SAPCD2: variants seen among roughly 807,000 people sequenced by gnomAD.
SAPCD2 encodes the protein suppressor APC domain containing 2, also known as suppressor APC domain-containing protein 2.
Under a neutral mutation model 37.8 loss-of-function variants are expected in SAPCD2, and 34 were observed. That is an observed-to-expected ratio of 0.90 (90% confidence interval 0.68 to 1.20). The LOEUF (loss-of-function observed/expected upper bound fraction) is 1.20, where lower values mean the gene tolerates loss of function less well. Among genes scored for constraint, SAPCD2 ranks in the 50% most tolerant of loss-of-function variants. The pLI is 0.00. For synonymous variants in SAPCD2, 275 were observed against 270.3 expected (o/e 1.02, Z -0.17); for missense variants, 572 against 584.7 (o/e 0.98, Z 0.22).
At chr9:137,068,487 G>C (rs1311803773) in intron 1 of SAPCD2, among the ~76,000 whole-genome samples, 1 of 152,258 alleles carries the variant, frequency 6.6e-6, no homozygotes, top group Admixed American at 6.5e-5. Flanking sequence ...TGGGAACAAG[G>C]AAAGAGGCCC....
chr9:137,070,043 G>A lies in SAPCD2; in HGVS notation c.418C>T (p.Leu140=). ...EPRTVLERKP[L]PLGVRAPLAG... ...AGAGGGGCGCGCACGCCCAGGGGCA[G>A]GGGCTTCCTCTCCAGGACCGTCCGC... The change falls in exon 1 of 6, where the codon CTG becomes TTG. Residue 140 remains leucine (L), a synonymous_variant. Transcript: ENST00000409687. The A allele has an allele frequency of 5.0e-6, 6 of 1,200,456 alleles. No homozygotes were observed. Among genetic ancestry groups the A allele is most frequent in the Non-Finnish European group, 6.2e-6 (6 of 967,688 alleles). 74.4% of individuals were successfully genotyped at this position (1,200,456 alleles called of 1,614,324 possible).
chr9:137,063,122 G>A lies in SAPCD2; in HGVS notation c.*1537C>T, dbSNP rs1260343941. ...ACTGCGCTGCAGTCCACCTGGTGCT[G>A]GGGCTGTGGGGCACAGGCCCTCAGG... On this transcript the variant is annotated 3_prime_UTR_variant, in exon 6 of 6. Transcript: ENST00000409687. 1.3e-5 allele frequency: 2 copies of A among 152,284 alleles called. No individual in the cohort carries two copies. The highest frequency in any genetic ancestry group is 2.4e-5 in the African/African-American group (1 of 41,464). 9.4% of individuals were successfully genotyped at this position (152,284 alleles called of 1,614,324 possible). A position where few individuals can be genotyped will look rare whatever the true frequency, so the allele number is the denominator to read the frequency against.
chr9:137,069,811 G>T, intron 1 of SAPCD2, 79 bp downstream of exon 1: 1 of 988,312 alleles, frequency 1.0e-6, no homozygotes, highest in Non-Finnish European at 1.3e-6. Flanking sequence ...GAAATGCACG[G>T]GCAGCAGCTG....
At chr9:137,065,437 A>T in intron 3 of SAPCD2, 85 bp downstream of exon 3, 1 of 1,440,040 alleles carries the variant, frequency 6.9e-7, no homozygotes, top group Non-Finnish European at 9.2e-7. Context: ...GTCCGGGAAT[A>T]GGGGCAGCCA....
chr9:137,065,727 C>G (rs951579458), intron 2 of SAPCD2, 59 bp from the exon 3 acceptor site: 1 of 1,536,080 alleles, frequency 6.5e-7, no homozygotes, highest in African/African-American at 1.4e-5. Flanking sequence ...CACGTCCACA[C>G]ATGCATGAGC....
chr9:137,067,855 G>T (rs894489541), intron 1 of SAPCD2, among the ~76,000 whole-genome samples: 3 of 149,260 alleles, frequency 2.0e-5, no homozygotes, highest in African/African-American at 7.4e-5. Context: ...AGTCAGGCAC[G>T]TCCTGGTGCT....
At chr9:137,069,862 G>A (rs1469626982) in intron 1 of SAPCD2, 28 bp downstream of exon 1, 21 of 1,243,400 alleles carry the variant, frequency 1.7e-5, no homozygotes, top group Non-Finnish European at 5.1e-6. Flanking sequence ...AGAGCTACGA[G>A]GGTGCCCGGG....
In SAPCD2 at chr9:137,064,457, G is replaced by T; in HGVS notation, c.*202C>A. On this transcript the variant is annotated 3_prime_UTR_variant, in exon 6 of 6. Coordinates refer to ENST00000409687, the MANE Select transcript of SAPCD2 (RefSeq NM_178448.4). ...CCATGTCAGCACCAGGAGCCAAAAC[G>T]GAGTCAAGCGCTCGGTGCGGGGACC... 1.6e-6 allele frequency: 1 copy of T among 619,684 alleles called. No homozygotes were observed. The highest frequency in any genetic ancestry group is 2.8e-6 in the Non-Finnish European group (1 of 355,956). 38.4% of individuals were successfully genotyped at this position (619,684 alleles called of 1,614,324 possible).
In SAPCD2 at chr9:137,070,220, A is replaced by G; in HGVS notation, c.241T>C (p.Tyr81His). ...GCCACGAAGCGCTCGAAGGTCAGGT[A>G]GCCGCTGGCCGGGGCCACCTGGCGC... ...GLRQVAPASGYLTFERFVAGL... is the reference protein window; with the variant it reads ...GLRQVAPASGHLTFERFVAGL... The change falls in exon 1 of 6, where the codon TAC becomes CAC. Residue 81 changes from tyrosine to histidine, a missense_variant. Coordinates refer to ENST00000409687, the MANE Select transcript of SAPCD2 (RefSeq NM_178448.4). The G allele has an allele frequency of 7.1e-7, 1 of 1,400,532 alleles. No individual in the cohort carries two copies. The highest frequency in any genetic ancestry group is 1.4e-5 in the South Asian group (1 of 69,632). 86.8% of individuals were successfully genotyped at this position (1,400,532 alleles called of 1,614,324 possible).
Position 137,064,414 on chromosome 9 carries a change from A to C in SAPCD2, c.*245T>G. 1 of 576,778 alleles carries C rather than the reference A, an allele frequency of 1.7e-6. No individual in the cohort carries two copies. Among genetic ancestry groups the C allele is most frequent in the Non-Finnish European group, 3.1e-6 (1 of 322,196 alleles). The allele number at this position is 576,778 out of a possible 1,614,324, so 35.7% of individuals were successfully genotyped here. On this transcript the variant is annotated 3_prime_UTR_variant, in exon 6 of 6. Transcript: ENST00000409687. ...GCAGTAGTAGCTGCGGACTATGCGG[A>C]CTCAAGAGAGCCCCAGCCCATGTCA...
At chr9:137,067,969 G>A (rs769253910) in intron 1 of SAPCD2, among the ~76,000 whole-genome samples, 2 of 152,022 alleles carry the variant, frequency 1.3e-5, no homozygotes, top group Non-Finnish European at 2.9e-5. Context: ...GGGAGTAGGT[G>A]CACCTCCCCA....
At position 137,070,499 on chromosome 9, in the gene SAPCD2, T is replaced by C. The variant is rs2131533102; in HGVS notation, c.-39A>G. On this transcript the variant is annotated 5_prime_UTR_variant, in exon 1 of 6. Coordinates refer to ENST00000409687, the MANE Select transcript of SAPCD2 (RefSeq NM_178448.4). ...CGGTCCCCTCGTCCACCCGCGTGCG[T>C]CCCAGCGCGGCCCCACGGAGGGGCC... 2.5e-6 allele frequency: 3 copies of C among 1,180,604 alleles called. No homozygotes were observed. The highest frequency in any genetic ancestry group is 2.1e-6 in the Non-Finnish European group (2 of 949,536). The allele number at this position is 1,180,604 out of a possible 1,614,324, so 73.1% of individuals were successfully genotyped here.
At chr9:137,069,516 G>A (rs1223830185) in intron 1 of SAPCD2, among the ~76,000 whole-genome samples, 1 of 152,242 alleles carries the variant, frequency 6.6e-6, no homozygotes, top group East Asian at 1.9e-4. Flanking sequence ...CCACAGACAG[G>A]AGGCTGAGGG....
chr9:137,065,439 G>A, intron 3 of SAPCD2, 83 bp downstream of exon 3: 2 of 1,448,562 alleles, frequency 1.4e-6, no homozygotes, highest in Non-Finnish European at 1.8e-6. Flanking sequence ...CCGGGAATAG[G>A]GGCAGCCACA....
chr9:137,070,109 G>A lies in SAPCD2; in HGVS notation c.352C>T (p.Pro118Ser). ...GCGAACACCAGGCGCTGCGGCGGCG[G>A]CGGCGGCTGATCCCCGGGCCGGGCC... is the stretch of plus-strand genomic sequence containing the variant. ...APARPGDQPP[P>S]PPQRLVFAPA... The change falls in exon 1 of 6, where the codon CCG becomes TCG. Residue 118 changes from proline (P) to serine (S), a missense_variant. Transcript: ENST00000409687. 1 of 1,190,340 alleles carries A rather than the reference G, an allele frequency of 8.4e-7. No individual in the cohort carries two copies. Among genetic ancestry groups the A allele is most frequent in the South Asian group, 4.1e-5 (1 of 24,098 alleles). The allele number at this position is 1,190,340 out of a possible 1,614,324, so 73.7% of individuals were successfully genotyped here. A position where few individuals can be genotyped will look rare whatever the true frequency, so the allele number is the denominator to read the frequency against.
intron 3 of SAPCD2, 48 bp downstream of exon 3, chr9:137,065,474 C>G: frequency 1.3e-6 from 2 of 1,541,642 alleles, no homozygotes; most frequent in Non-Finnish European, 8.8e-7. Flanking sequence ...CTGGGGTGAG[C>G]TGGGGTCCCC....
rs1291783233 is a variant in SAPCD2, at chr9:137,064,952, G to C, written c.967C>G (p.Pro323Ala). The C allele has an allele frequency of 6.5e-7, 1 of 1,548,626 alleles. No individual in the cohort carries two copies. The highest frequency in any genetic ancestry group is 8.7e-7 in the Non-Finnish European group (1 of 1,146,164). Residue 323 changes from proline (P) to alanine (A), a missense_variant, in exon 5 of 6, where the codon CCC becomes GCC. Transcript: ENST00000409687. ...RALPPSSSGP[P>A]CPALTSTSPP... Reference sequence around the variant, plus strand: ...GAGGTGGACGTCAGGGCAGGGCAGGGGGGCCCGGAGGAGGACGGGGGCAGG... The same window carrying C: ...GAGGTGGACGTCAGGGCAGGGCAGGCGGGCCCGGAGGAGGACGGGGGCAGG...
At position 137,064,164 on chromosome 9, in the gene SAPCD2, A is replaced by C. The variant is rs980096850; in HGVS notation, c.*495T>G. 2 of 191,608 alleles carry C rather than the reference A, an allele frequency of 1.0e-5. No homozygotes were observed. Among genetic ancestry groups the C allele is most frequent in the Non-Finnish European group, 2.2e-5 (2 of 90,718 alleles). 11.9% of individuals were successfully genotyped at this position (191,608 alleles called of 1,614,324 possible). On this transcript the variant is annotated 3_prime_UTR_variant, in exon 6 of 6. Transcript: ENST00000409687. Reference sequence around the variant, plus strand: ...CAGGCCGTCCCCACCCCCTCCATCTACTTCCGTCCGTCCGAGCTACAGCCA... The same window carrying C: ...CAGGCCGTCCCCACCCCCTCCATCTCCTTCCGTCCGTCCGAGCTACAGCCA...
chr9:137,065,249 T>G, intron 3 of SAPCD2, 64 bp from the exon 4 acceptor site: 2 of 1,202,134 alleles, frequency 1.7e-6, no homozygotes, highest in Non-Finnish European at 2.3e-6. Context: ...CAAGGTGCCT[T>G]GATAGGGGTT....
Sources: allele counts gnomAD v4.1 joint callset (sites outside exome capture counted in the v4.1 genomes callset), GRCh38; gene constraint gnomAD v4.1.1; transcripts MANE v1.5; gene names NCBI Gene and HGNC (gene_info 2026-07-23, HGNC 2026-07-21).